The following DIPK1B variants were observed in gnomAD, a reference collection of about 807,000 sequenced individuals.
DIPK1B encodes the protein family with sequence similarity 69 member B.
A neutral mutation model predicts 20.7 loss-of-function variants in DIPK1B; 17 were observed. The observed-to-expected ratio is 0.82, with a 90% CI of 0.56 to 1.23. DIPK1B has a LOEUF of 1.23. Among genes scored for constraint, DIPK1B ranks in the 50% most tolerant of loss-of-function variants. The pLI, the probability that DIPK1B is intolerant of heterozygous loss-of-function variation, is 0.00. For synonymous variants in DIPK1B, 343 were observed against 276.5 expected (o/e 1.24, Z -2.39); for missense variants, 648 against 601.8 (o/e 1.08, Z -0.80).
chr9:136,718,882 G>A (rs1362646729), intron 2 of DIPK1B, among the ~76,000 whole-genome samples: 1 of 152,206 alleles, frequency 6.6e-6, no homozygotes, highest in Non-Finnish European at 1.5e-5. Context: ...GGACTGGGGT[G>A]TGGGGTCCGG....
At chr9:136,722,940 T>C (rs1005224702) in intron 4 of DIPK1B, 22 bp from the exon 5 acceptor site, 24 of 1,581,910 alleles carry the variant, frequency 1.5e-5, no homozygotes, top group East Asian at 6.8e-5. Context: ...GGCTTTTCCT[T>C]TCTTTTGGTC....
chr9:136,715,867 C>G (rs550236744), intron 1 of DIPK1B, among the ~76,000 whole-genome samples: 1 of 152,130 alleles, frequency 6.6e-6, no homozygotes. Context: ...CATCTTAACC[C>G]TGTTTAAGGG....
At chr9:136,720,476 C>G (rs879348098) in intron 2 of DIPK1B, among the ~76,000 whole-genome samples, 22 of 152,250 alleles carry the variant, frequency 1.4e-4, no homozygotes, top group Middle Eastern at 3.4e-3. Context: ...ATTCTCCCCC[C>G]CCCAGAGGGG....
intron 1 of DIPK1B, among the ~76,000 whole-genome samples, chr9:136,713,162 G>A (rs566366721): frequency 6.6e-6 from 1 of 152,296 alleles, no homozygotes; most frequent in African/African-American, 2.4e-5. Context: ...CGGGGACCCT[G>A]CCCTGACCCC....
At chr9:136,713,587 C>A (rs55888522) in intron 1 of DIPK1B, among the ~76,000 whole-genome samples, 3,963 of 152,310 alleles carry the variant, frequency 0.026, 96 homozygotes, top group East Asian at 0.11. Context: ...TTGTGGTGGT[C>A]CCGGCTCAGC....
At chr9:136,718,888 T>C (rs565643674) in intron 2 of DIPK1B, among the ~76,000 whole-genome samples, 29 of 152,072 alleles carry the variant, frequency 1.9e-4, no homozygotes, top group African/African-American at 6.5e-4. Context: ...GGGTGTGGGG[T>C]CCGGAGCTAG....
Position 136,723,480 on chromosome 9 carries a change from C to A in DIPK1B, c.1002C>A (p.Cys334Ter). 6.2e-7 allele frequency: 1 copy of A among 1,610,170 alleles called. No individual in the cohort carries two copies. Among genetic ancestry groups the A allele is most frequent in the Non-Finnish European group, 8.5e-7 (1 of 1,178,544 alleles). The change falls in exon 5 of 5, where the codon TGC (cysteine) becomes TGA (stop). Residue 334 changes from cysteine (C) to a stop codon, truncating the protein, a stop_gained. Transcript: ENST00000371692. LOFTEE classifies it low-confidence loss of function (END_TRUNC). Reference sequence around the variant, plus strand: ...GCCGCTTCCTGCAGGGCCGCCGCTGCGAGCACAGCACCGACTGCACCTACG... The same window carrying A: ...GCCGCTTCCTGCAGGGCCGCCGCTGAGAGCACAGCACCGACTGCACCTACG... The part of the protein sequence containing the change: ...TVRRFLQGRR[C>*]EHSTDCTYGR...
At position 136,719,454 on chromosome 9, in the gene DIPK1B, G is replaced by A. The variant is rs190025179; in HGVS notation, c.198+1743G>A. Among the ~76,000 whole-genome samples the A allele has an allele frequency of 5.0e-3, 767 of 152,304 alleles. 5 individuals carry two copies. Among genetic ancestry groups the A allele is most frequent in the African/African-American group, 0.018 (729 of 41,566 alleles). ...GGGGCATTGGACGCCTCAGAGAGGC[G>A]CAGAGGCTGGCCCAGCGCACACAAC... On this transcript the variant is annotated intron_variant, in intron 2 of 4. Transcript: ENST00000371692.
rs571143275 is a variant in DIPK1B at position 136,719,824 on chromosome 9, A to C, written c.199-2097A>C. The stretch of plus-strand genomic sequence containing the variant: ...CCCAGCACCACTGTGTGCCAGGAGC[A>C]GGGCAGCCTCCTGCGGTCCTGGGGC... On this transcript the variant is annotated intron_variant, in intron 2 of 4. Coordinates refer to ENST00000371692, the MANE Select transcript of DIPK1B (RefSeq NM_152421.4). Among the ~76,000 whole-genome samples, 349 of 152,316 alleles carry C rather than the reference A, an allele frequency of 2.3e-3. 1 individual carries two copies. Among genetic ancestry groups the C allele is most frequent in the Non-Finnish European group, 4.4e-3 (301 of 68,026 alleles).
chr9:136,723,034 G>A lies in DIPK1B; in HGVS notation c.556G>A (p.Asp186Asn), dbSNP rs1846637168. 8.1e-6 allele frequency: 13 copies of A among 1,613,480 alleles called. No homozygotes were observed. The highest frequency in any genetic ancestry group is 1.1e-5 in the Non-Finnish European group (13 of 1,180,016). ...CCTGCTCATGGCTGACTTCAACAAG[G>A]ACAACCGGGTGTCCCTGGCGGAAGC... The part of the protein sequence containing the change: ...QVLLMADFNK[D>N]NRVSLAEAKS... Residue 186 changes from aspartate to asparagine, a missense_variant, in exon 5 of 5, where the codon GAC (aspartate) becomes AAC (asparagine). By Grantham distance (23) the Asp-to-Asn change is conservative (BLOSUM62 1). Transcript: ENST00000371692.
rs1354654513 is a variant in DIPK1B at position 136,723,401 on chromosome 9, C to A, written c.923C>A (p.Thr308Asn). Residue 308 changes from threonine to asparagine, a missense_variant, in exon 5 of 5, where the codon ACC becomes AAC. Physicochemically the swap from Thr to Asn is moderately conservative, Grantham distance 65 (BLOSUM62 0). Coordinates refer to ENST00000371692, the MANE Select transcript of DIPK1B (RefSeq NM_152421.4). ...TTLANVGYTATYDFKMADLQQ... is the reference protein window; with the variant it reads ...TTLANVGYTANYDFKMADLQQ... ...CTGGCCAACGTGGGCTACACAGCCA[C>A]CTACGACTTCAAGATGGCCGACCTG... 2 of 1,612,908 alleles carry A rather than the reference C, an allele frequency of 1.2e-6. No homozygotes were observed. The highest frequency in any genetic ancestry group is 1.7e-6 in the Non-Finnish European group (2 of 1,179,716).
At chr9:136,721,044 G>A (rs1442733525) in intron 2 of DIPK1B, 2 of 152,338 alleles carry the variant, frequency 1.3e-5, no homozygotes, top group Admixed American at 6.5e-5. Context: ...GATCTGTCGT[G>A]AGAGCCCCCA....
intron 4 of DIPK1B, 120 bp downstream of exon 4, chr9:136,722,421 G>A (rs1366656640): frequency 2.6e-6 from 3 of 1,150,844 alleles, no homozygotes; most frequent in Non-Finnish European, 3.7e-6. Context: ...TGGACCCTGG[G>A]CAGACCTCCC....
At position 136,723,454 on chromosome 9, in the gene DIPK1B, C is replaced by T. The variant is rs750606021; in HGVS notation, c.976C>T (p.Arg326Cys). 1.3e-5 allele frequency: 21 copies of T among 1,611,236 alleles called. No homozygotes were observed. Among genetic ancestry groups the T allele is most frequent in the South Asian group, 3.3e-5 (3 of 90,984 alleles). Residue 326 changes from arginine to cysteine, a missense_variant, in exon 5 of 5, where the codon CGC becomes TGC. Coordinates refer to ENST00000371692, the MANE Select transcript of DIPK1B (RefSeq NM_152421.4). ...GCAGGTGGCACCCGAGGCCACCGTG[C>T]GCCGCTTCCTGCAGGGCCGCCGCTG... is the stretch of plus-strand genomic sequence containing the variant. ...LQQVAPEATV[R>C]RFLQGRRCEH... is the part of the protein sequence containing the mutation.
Position 136,723,627 on chromosome 9 carries a change from C to T in DIPK1B, c.1149C>T (p.Ala383=), listed in dbSNP as rs755610924. The T allele has an allele frequency of 2.5e-5, 39 of 1,576,624 alleles. 1 individual carries two copies. In the Admixed American group the frequency reaches 2.7e-4, roughly 11 times the overall value. The change falls in exon 5 of 5, where the codon GCC becomes GCT. Residue 383 remains alanine, a synonymous_variant. Coordinates refer to ENST00000371692, the MANE Select transcript of DIPK1B (RefSeq NM_152421.4). ...LRGYLLPGAP[A]DLREELGTQL... ...GCTACCTGCTGCCTGGCGCGCCCGCCGACCTCCGCGAGGAGCTGGGCACAC... is the reference window on the plus strand; with the variant it reads ...GCTACCTGCTGCCTGGCGCGCCCGCTGACCTCCGCGAGGAGCTGGGCACAC...
At chr9:136,715,731 C>T (rs1207217267) in intron 1 of DIPK1B, among the ~76,000 whole-genome samples, 1 of 152,126 alleles carries the variant, frequency 6.6e-6, no homozygotes, top group Admixed American at 6.5e-5. Context: ...TCAGGCTGGT[C>T]TCCAACTCCC....
At chr9:136,718,754 C>T (rs569282966) in intron 2 of DIPK1B, among the ~76,000 whole-genome samples, 21 of 152,302 alleles carry the variant, frequency 1.4e-4, no homozygotes, top group African/African-American at 4.8e-4. Context: ...GGGGAGAGCA[C>T]CTCTCCTGGC....
rs1475385577 is a variant in DIPK1B, at chr9:136,712,602, G to C, written c.-64G>C. On this transcript the variant is annotated 5_prime_UTR_variant, in exon 1 of 5. Coordinates refer to ENST00000371692, the MANE Select transcript of DIPK1B (RefSeq NM_152421.4). This position sits in a 1 kb window ranked among gnomAD's most constrained non-coding sequence, Gnocchi z 5.6. ...GAGGGAGCGGCGGCCGCTGCGGGCC[G>C]GGCCGGGCCGGGGCTGAGGCCGAGC... 2 of 792,744 alleles carry C rather than the reference G, an allele frequency of 2.5e-6. No individual in the cohort carries two copies. The highest frequency in any genetic ancestry group is 6.4e-5 in the Admixed American group (1 of 15,626). The allele number at this position is 792,744 out of a possible 1,614,324, so 49.1% of individuals were successfully genotyped here. A position where few individuals can be genotyped will look rare whatever the true frequency, so the allele number is the denominator to read the frequency against.
chr9:136,720,775 AGAG>A (rs1222240365), intron 2 of DIPK1B: 1 of 152,178 alleles, frequency 6.6e-6, no homozygotes, highest in African/African-American at 2.4e-5. Context: ...GAGGGCTGGG[AGAG>A]GAGGTAGAGG....
Sources: allele counts gnomAD v4.1 joint callset (sites outside exome capture counted in the v4.1 genomes callset), GRCh38; gene constraint gnomAD v4.1.1; non-coding constraint Gnocchi (gnomAD v3.1); transcripts MANE v1.5; gene names NCBI Gene and HGNC (gene_info 2026-07-23, HGNC 2026-07-21).